H2BC26: variants seen among roughly 807,000 people sequenced by gnomAD.
The protein encoded by H2BC26 is H2B clustered histone 26, also known as histone H2B type 3-B.
the H2BC26 span, chr1:228,458,493 T>A: frequency 6.2e-7 from 1 of 1,614,168 alleles, no homozygotes; most frequent in Non-Finnish European, 8.5e-7. Context: ...TGTCACCAAG[T>A]ACACCAGCTC....
chr1:228,458,157 G>T, the H2BC26 span: 3 of 1,610,750 alleles, frequency 1.9e-6, no homozygotes, highest in East Asian at 2.2e-5. Context: ...ATCGGCTCCT[G>T]CGCCCAAGAA....
the H2BC26 span, chr1:228,458,420 G>A: frequency 1.2e-6 from 2 of 1,614,166 alleles, no homozygotes; most frequent in African/African-American, 1.3e-5. Flanking sequence ...AAGTGCAGAC[G>A]GCCGTTCGCC....
the H2BC26 span, chr1:228,458,177 A>G: frequency 3.7e-6 from 6 of 1,613,774 alleles, 1 homozygote; most frequent in Middle Eastern, 5.0e-4. Context: ...AGGGTTCTAA[A>G]AAGGCTGTCA....
the H2BC26 span, chr1:228,458,314 T>C: frequency 6.2e-7 from 1 of 1,614,192 alleles, no homozygotes; most frequent in South Asian, 1.1e-5. Context: ...GCCATGGGCA[T>C]CATGAACTCC....
At chr1:228,458,486 C>A in the H2BC26 span, 2 of 1,614,212 alleles carry the variant, frequency 1.2e-6, no homozygotes, top group Non-Finnish European at 1.7e-6. Context: ...CCAAGGCTGT[C>A]ACCAAGTACA....
the H2BC26 span, chr1:228,458,182 C>A: frequency 1.2e-6 from 2 of 1,613,880 alleles, no homozygotes. Context: ...TCTAAAAAGG[C>A]TGTCACCAAG....
the H2BC26 span, chr1:228,458,309 G>A: frequency 6.8e-6 from 11 of 1,614,116 alleles, no homozygotes; most frequent in Non-Finnish European, 9.3e-6. Context: ...CCAAGGCCAT[G>A]GGCATCATGA....
the H2BC26 span, chr1:228,458,360 G>A: frequency 1.9e-6 from 3 of 1,614,218 alleles, no homozygotes; most frequent in Non-Finnish European, 2.5e-6. Flanking sequence ...TCGCCAGCGA[G>A]GCCTCCCGCC....
the H2BC26 span, chr1:228,458,122 C>T: frequency 1.9e-6 from 3 of 1,578,748 alleles, no homozygotes; most frequent in Admixed American, 3.7e-5. Flanking sequence ...TGGAGAGACT[C>T]AGCCATCATG....
the H2BC26 span, chr1:228,458,423 C>A: frequency 6.2e-7 from 1 of 1,614,156 alleles, no homozygotes; most frequent in Non-Finnish European, 8.5e-7. Context: ...TGCAGACGGC[C>A]GTTCGCCTGC....
the H2BC26 span, chr1:228,458,441 C>T: frequency 9.9e-6 from 16 of 1,614,186 alleles, no homozygotes; most frequent in African/African-American, 8.0e-5. Context: ...TGCTGCTGCC[C>T]GGCGAGCTGG....
the H2BC26 span, chr1:228,458,194 C>T: frequency 3.7e-6 from 6 of 1,614,058 alleles, no homozygotes; most frequent in East Asian, 2.2e-5. Context: ...GTCACCAAGG[C>T]ACAGAAGAAG....
the H2BC26 span, chr1:228,458,131 T>C: frequency 7.5e-6 from 12 of 1,601,574 alleles, no homozygotes; most frequent in South Asian, 2.2e-5. Context: ...TCAGCCATCA[T>C]GCCAGACCCG....
chr1:228,458,167 A>G, the H2BC26 span: 2 of 1,612,960 alleles, frequency 1.2e-6, no homozygotes, highest in African/African-American at 1.3e-5. Context: ...GCGCCCAAGA[A>G]GGGTTCTAAA....
chr1:228,458,517 C>T, the H2BC26 span: 1 of 1,614,140 alleles, frequency 6.2e-7, no homozygotes, highest in Non-Finnish European at 8.5e-7. Flanking sequence ...GTGAGGCGTT[C>T]CTCGGCGTCC....
At chr1:228,458,153 T>A in the H2BC26 span, 2 of 1,609,980 alleles carry the variant, frequency 1.2e-6, no homozygotes, top group African/African-American at 1.3e-5. Flanking sequence ...CCAAATCGGC[T>A]CCTGCGCCCA....
the H2BC26 span, chr1:228,458,141 G>A: frequency 2.4e-5 from 38 of 1,605,812 alleles, no homozygotes; most frequent in Non-Finnish European, 3.0e-5. Flanking sequence ...TGCCAGACCC[G>A]TCCAAATCGG....
At chr1:228,458,474 C>T in the H2BC26 span, 43 of 1,614,190 alleles carry the variant, frequency 2.7e-5, no homozygotes, top group Non-Finnish European at 3.6e-5. Flanking sequence ...TGTCCGAGGG[C>T]ACCAAGGCTG....
chr1:228,458,238 A>C, the H2BC26 span: 2 of 1,613,996 alleles, frequency 1.2e-6, no homozygotes, highest in Admixed American at 3.3e-5. Context: ...CCGCAAGGAG[A>C]GCTATTCTAT....
Sources: allele counts gnomAD v4.1 joint callset, GRCh38; gene constraint gnomAD v4.1.1; transcripts MANE v1.5; gene names NCBI Gene and HGNC (gene_info 2026-07-23, HGNC 2026-07-21).